Variants in ARHGEF12 observed in about 807,000 individuals in gnomAD.
The protein encoded by ARHGEF12 is KMT2A/ARHGEF12 fusion protein.
In ARHGEF12, 66 loss-of-function variants were observed where a neutral mutation model predicts 211.2. The ratio of observed to expected loss-of-function variants is 0.31; its 90% CI spans 0.26 to 0.38. The LOEUF (loss-of-function observed/expected upper bound fraction) is 0.38, where lower values mean the gene tolerates loss of function less well. Ranked by LOEUF, ARHGEF12 falls within the 10% of genes least tolerant of loss-of-function variation. The pLI is 1.00. For synonymous variants in ARHGEF12, 592 were observed against 638.4 expected, an observed-to-expected ratio of 0.93 and a Z score of 1.09; for missense variants, 1,429 against 1,869.5, an observed-to-expected ratio of 0.76 and a Z score of 4.34.
intron 4 of ARHGEF12, among the ~76,000 whole-genome samples, chr11:120,416,238 C>G (rs954598536): frequency 6.6e-6 from 1 of 152,190 alleles, no homozygotes; most frequent in Non-Finnish European, 1.5e-5. Flanking sequence ...GACTTGTCTA[C>G]TTGTCTGAAT....
At chr11:120,455,362 A>T (rs1008012093) in intron 22 of ARHGEF12, among the ~76,000 whole-genome samples, 3 of 152,224 alleles carry the variant, frequency 2.0e-5, no homozygotes, top group African/African-American at 7.2e-5. Context: ...AGAGGAAAAA[A>T]AATGGGGATT....
At chr11:120,347,268 G>C (rs7481636) in intron 1 of ARHGEF12, among the ~76,000 whole-genome samples, 1,014 of 48,070 alleles carry the variant, frequency 0.021, 19 homozygotes, top group African/African-American at 0.078. Flanking sequence ...CTCTCTCTCT[G>C]TCTGTGTGTG....
chr11:120,444,420 A>C (rs1945982860), intron 15 of ARHGEF12, among the ~76,000 whole-genome samples: 1 of 152,214 alleles, frequency 6.6e-6, no homozygotes, highest in African/African-American at 2.4e-5. Context: ...TTTCATATAT[A>C]CACCATCATA....
At chr11:120,380,345 A>G (rs1943844275) in intron 1 of ARHGEF12, among the ~76,000 whole-genome samples, 1 of 152,162 alleles carries the variant, frequency 6.6e-6, no homozygotes, top group Non-Finnish European at 1.5e-5. Context: ...ACTAAACTTC[A>G]TACTTCATTT....
At chr11:120,349,334 A>G (rs1262995552) in intron 1 of ARHGEF12, among the ~76,000 whole-genome samples, 6 of 152,218 alleles carry the variant, frequency 3.9e-5, no homozygotes, top group African/African-American at 1.4e-4. Context: ...TGTAATAGTA[A>G]TTATATTAAT....
chr11:120,352,201 A>T (rs567212026), intron 1 of ARHGEF12, among the ~76,000 whole-genome samples: 1 of 152,290 alleles, frequency 6.6e-6, no homozygotes, highest in East Asian at 1.9e-4. Context: ...CATTTGCTCT[A>T]AAGAGTGAAC....
intron 1 of ARHGEF12, among the ~76,000 whole-genome samples, chr11:120,382,824 TA>T (rs1219297222): frequency 6.6e-6 from 1 of 152,146 alleles, no homozygotes; most frequent in Non-Finnish European, 1.5e-5. Flanking sequence ...GGGTTTGGAA[TA>T]AGGGGTGGCT....
chr11:120,441,889 T>C (rs1945877948), intron 14 of ARHGEF12, 72 bp downstream of exon 14: 2 of 1,360,168 alleles, frequency 1.5e-6, no homozygotes, highest in South Asian at 2.4e-5. Context: ...TTTTCCTAGC[T>C]ATACAACGAG....
intron 28 of ARHGEF12, among the ~76,000 whole-genome samples, chr11:120,466,542 C>G (rs1239965257): frequency 6.6e-6 from 1 of 152,130 alleles, no homozygotes; most frequent in Non-Finnish European, 1.5e-5. Flanking sequence ...CCATTGTAAT[C>G]ACAGATTCCA....
chr11:120,349,218 G>A (rs995983371), intron 1 of ARHGEF12, among the ~76,000 whole-genome samples: 1 of 152,120 alleles, frequency 6.6e-6, no homozygotes, highest in African/African-American at 2.4e-5. Context: ...GCCTGGATGT[G>A]AACAGTAAAA....
chr11:120,344,375 A>G (rs918294531), intron 1 of ARHGEF12, among the ~76,000 whole-genome samples: 12 of 152,156 alleles, frequency 7.9e-5, no homozygotes, highest in African/African-American at 2.7e-4. Flanking sequence ...GTTATCCAGA[A>G]GAGTAACAGA....
intron 1 of ARHGEF12, among the ~76,000 whole-genome samples, chr11:120,348,534 A>T (rs1180714533): frequency 6.6e-6 from 1 of 152,204 alleles, no homozygotes; most frequent in Non-Finnish European, 1.5e-5. Flanking sequence ...TATTTACAGT[A>T]GTGTATAAAA....
chr11:120,480,206 G>A lies in ARHGEF12; in HGVS notation c.4013G>A (p.Arg1338Gln), dbSNP rs1947190197. 6.2e-7 allele frequency: 1 copy of A among 1,614,060 alleles called. No individual in the cohort carries two copies. Among genetic ancestry groups the A allele is most frequent in the African/African-American group, 1.3e-5 (1 of 74,918 alleles). Residue 1338 changes from arginine (R) to glutamine (Q), a missense_variant, in exon 38 of 41, where the codon CGG (arginine) becomes CAG (glutamine). This residue lies in a region of ARHGEF12 where 467 missense variants were observed against 468.4 expected (regional missense o/e 1.00). Transcript: ENST00000397843. Reference protein sequence around the residue: ...PRTSTESFAPRDSVGLAPQDS... With the variant: ...PRTSTESFAPQDSVGLAPQDS... ...ACTTCAACTGAATCTTTTGCTCCAC[G>A]GGATTCAGTGGGACTGGCACCCCAG...
rs140257040 is a variant in ARHGEF12 at position 120,464,958 on chromosome 11, A to G, written c.2614-279A>G. On this transcript the variant is annotated intron_variant, in intron 27 of 40. Transcript: ENST00000397843. ...GAGGCAGAAGTTGCAGTGAGCCAAG[A>G]TCATGCCATTGTACTCCAGCCTGGG... 521 of 299,590 alleles carry G rather than the reference A, an allele frequency of 1.7e-3. 4 individuals are homozygous for G. Among genetic ancestry groups the G allele is most frequent in the African/African-American group, 0.011 (492 of 45,882 alleles). 18.6% of individuals were successfully genotyped at this position (299,590 alleles called of 1,614,324 possible). A position where few individuals can be genotyped will look rare whatever the true frequency, so the allele number is the denominator to read the frequency against.
At chr11:120,369,000 T>C (rs1943511907) in intron 1 of ARHGEF12, among the ~76,000 whole-genome samples, 1 of 152,312 alleles carries the variant, frequency 6.6e-6, no homozygotes, top group Admixed American at 6.5e-5. Context: ...ATATAGGTGG[T>C]CATTCTTTAG....
At position 120,447,918 on chromosome 11, in the gene ARHGEF12, GT is replaced by G. The variant is rs762144140; in HGVS notation, c.1622+20del. On this transcript the variant is annotated intron_variant, in intron 19 of 40. Transcript: ENST00000397843. ...GAGGAAGATAAGAGGTAACATAACTGTTTTTTTTCCCCTAGAATTTTAAGAA... is the reference window on the plus strand; with the variant it reads ...GAGGAAGATAAGAGGTAACATAACTGTTTTTTTCCCCTAGAATTTTAAGAA... 62 of 1,545,960 alleles carry G rather than the reference GT, an allele frequency of 4.0e-5. No individual in the cohort carries two copies. Among genetic ancestry groups the G allele is most frequent in the Admixed American group, 6.6e-5 (3 of 45,412 alleles).
At chr11:120,420,949 ATT>A in intron 5 of ARHGEF12, 98 bp downstream of exon 5, 1 of 1,014,110 alleles carries the variant, frequency 9.9e-7, no homozygotes. Flanking sequence ...AATTACATAG[ATT>A]GCAGGTCATG....
At chr11:120,476,802 C>T (rs991810001) in intron 34 of ARHGEF12, 54 bp downstream of exon 34, 3 of 1,357,178 alleles carry the variant, frequency 2.2e-6, no homozygotes, top group Middle Eastern at 1.8e-4. Flanking sequence ...TTATCCCAAG[C>T]GTAATATTCC....
chr11:120,442,034 A>G, intron 14 of ARHGEF12, 70 bp from the exon 15 acceptor site: 2 of 1,151,960 alleles, frequency 1.7e-6, no homozygotes, highest in Non-Finnish European at 1.2e-6. Flanking sequence ...TTCCTACTCA[A>G]TGGTGACCTA....
Sources: gnomAD v4.1 joint callset for allele counts (sites outside exome capture counted in the v4.1 genomes callset) on GRCh38, gnomAD v4.1.1 for gene constraint, gnomAD v4.1.1 regional missense constraint, MANE v1.5 for transcripts, NCBI Gene and HGNC (gene_info 2026-07-23, HGNC 2026-07-21) for gene names.